DOCK3: variants seen among roughly 807,000 people sequenced by gnomAD.
DOCK3 encodes dedicator of cytokinesis protein 3.
A neutral mutation model predicts 265.6 loss-of-function variants in DOCK3; 60 were observed. The ratio of observed to expected loss-of-function variants is 0.23; its 90% CI spans 0.18 to 0.28. DOCK3 has a LOEUF of 0.28. DOCK3 is among the 10% of genes least tolerant of loss of function. DOCK3 has a pLI of 1.00. For missense variants in DOCK3, 1,981 were observed against 2,594.3 expected (o/e 0.76, Z 5.14); for synonymous variants, 881 against 938.0 (o/e 0.94, Z 1.11).
At chr3:51,059,973 C>T (rs1021003446) in intron 5 of DOCK3, among the ~76,000 whole-genome samples, 6 of 151,978 alleles carry the variant, frequency 3.9e-5, no homozygotes, top group African/African-American at 1.2e-4. Flanking sequence ...AAAACCCTTC[C>T]TTAACCACAC....
At chr3:50,961,569 A>T (rs1575617449) in intron 5 of DOCK3, among the ~76,000 whole-genome samples, 2 of 152,324 alleles carry the variant, frequency 1.3e-5, no homozygotes, top group East Asian at 3.9e-4. Context: ...TGAGGAACAT[A>T]TTGGACTTAT....
intron 46 of DOCK3, among the ~76,000 whole-genome samples, chr3:51,358,957 T>G (rs2086551473): frequency 6.6e-6 from 1 of 152,256 alleles, no homozygotes; most frequent in African/African-American, 2.4e-5. Flanking sequence ...CTAAACAGGC[T>G]GGCTCCCAGA....
Position 51,225,636 on chromosome 3 carries a change from TC to T in DOCK3, c.1253-12del. On this transcript the variant is annotated splice_polypyrimidine_tract_variant and intron_variant, in intron 14 of 52. Transcript: ENST00000266037. ...TCTGGAGTCATAAGGATGTGGCATT[TC>T]TTTCCCCGCAGGTGATATCCGCAAT... 1 of 1,606,644 alleles carries T rather than the reference TC, an allele frequency of 6.2e-7. No homozygotes were observed. The highest frequency in any genetic ancestry group is 8.5e-7 in the Non-Finnish European group (1 of 1,176,590).
At chr3:50,766,962 A>T (rs1576374874) in intron 1 of DOCK3, among the ~76,000 whole-genome samples, 1 of 151,510 alleles carries the variant, frequency 6.6e-6, no homozygotes, top group African/African-American at 2.4e-5. Flanking sequence ...CCACTTTTGG[A>T]TGGGGTTTTT....
chr3:51,368,285 C>T (rs983072901), intron 49 of DOCK3, among the ~76,000 whole-genome samples: 2 of 152,092 alleles, frequency 1.3e-5, no homozygotes, highest in African/African-American at 2.4e-5. Context: ...TGCAAGGGGT[C>T]GGGGAGTTAC....
chr3:50,874,514 T>G (rs1231175039), intron 3 of DOCK3, among the ~76,000 whole-genome samples: 1 of 141,460 alleles, frequency 7.1e-6, no homozygotes, highest in Admixed American at 7.1e-5. Flanking sequence ...TAGAAATAAA[T>G]AAAGAAAAAA....
At chr3:51,111,511 G>A (rs893812712) in intron 9 of DOCK3, among the ~76,000 whole-genome samples, 4 of 152,156 alleles carry the variant, frequency 2.6e-5, no homozygotes, top group Non-Finnish European at 5.9e-5. Context: ...ATGGTGCTGG[G>A]ATACCTGCTT....
At chr3:50,978,984 A>C (rs1487653332) in intron 5 of DOCK3, among the ~76,000 whole-genome samples, 1 of 152,114 alleles carries the variant, frequency 6.6e-6, no homozygotes, top group Non-Finnish European at 1.5e-5. Context: ...GAGTGAGGCA[A>C]TGCCTTACCC....
chr3:50,820,029 G>C (rs1290475915), intron 2 of DOCK3, among the ~76,000 whole-genome samples: 1 of 152,144 alleles, frequency 6.6e-6, no homozygotes, highest in Non-Finnish European at 1.5e-5. Flanking sequence ...ATGTCTGAAA[G>C]GGGGAGAAAG....
At chr3:50,711,264 CTT>C (rs34839295) in intron 1 of DOCK3, among the ~76,000 whole-genome samples, 55 of 139,794 alleles carry the variant, frequency 3.9e-4, no homozygotes, top group Non-Finnish European at 4.7e-4. Context: ...TTGCTTAGTC[CTT>C]TTTTTTTTTT....
chr3:51,092,231 C>A (rs4639008), intron 9 of DOCK3, among the ~76,000 whole-genome samples: 1 of 151,950 alleles, frequency 6.6e-6, no homozygotes, highest in Non-Finnish European at 1.5e-5. Context: ...GGTCCCACCC[C>A]CATGGAGCCC....
intron 4 of DOCK3, chr3:50,901,025 C>A: frequency 2.8e-6 from 1 of 351,450 alleles, no homozygotes. Flanking sequence ...TCGCTCCTCT[C>A]TTCAGAACAG....
intron 22 of DOCK3, among the ~76,000 whole-genome samples, chr3:51,250,712 C>A (rs2079171321): frequency 6.6e-6 from 1 of 152,150 alleles, no homozygotes; most frequent in Admixed American, 6.5e-5. Flanking sequence ...GGGTTTACTT[C>A]AGATCAAGGA....
At chr3:50,816,193 T>C (rs1339101115) in intron 2 of DOCK3, among the ~76,000 whole-genome samples, 1 of 152,130 alleles carries the variant, frequency 6.6e-6, no homozygotes, top group African/African-American at 2.4e-5. Flanking sequence ...AGGTATGTAC[T>C]ATTTTTCCCC....
In DOCK3 at chr3:51,338,977, C is replaced by T. The variant is rs771459439; in HGVS notation, c.3715C>T (p.Arg1239Cys). 9.9e-6 allele frequency: 16 copies of T among 1,610,984 alleles called. No individual in the cohort carries two copies. The highest frequency in any genetic ancestry group is 8.0e-5 in the African/African-American group (6 of 74,898). ...GATTAACAAGGAAGAAATGTATATC[C>T]GCTACATCCATAAGCTTTGTGACAT... Reference protein sequence around the residue: ...SEINKEEMYIRYIHKLCDMHL... With the variant: ...SEINKEEMYICYIHKLCDMHL... Residue 1239 changes from arginine (R) to cysteine (C), a missense_variant, in exon 37 of 53, where the codon CGC becomes TGC. Transcript: ENST00000266037.
chr3:51,041,189 TATATATATA>T (rs1559977750), intron 5 of DOCK3, among the ~76,000 whole-genome samples: 33 of 16,940 alleles, frequency 1.9e-3, no homozygotes, highest in Non-Finnish European at 3.3e-3. Flanking sequence ...TATATATATA[TATATATATA>T]TATATATTTT....
rs1399056611 is a variant in DOCK3, at chr3:50,886,208, A to ATATATATATG, written c.163-3817_163-3816insATATATATGT. On this transcript the variant is annotated intron_variant, in intron 3 of 52. Transcript: ENST00000266037. ...TGGAGATATATATATATATATATAT[A>ATATATATATG]TTCCAGAGTTTTTAGGTATGCACTA... Among the ~76,000 whole-genome samples, 326 of 136,898 alleles carry ATATATATATG rather than the reference A, an allele frequency of 2.4e-3. 13 individuals carry two copies. Among genetic ancestry groups the ATATATATATG allele is most frequent in the Middle Eastern group, 0.015 (4 of 274 alleles). The allele number at this position is 136,898 out of a possible 152,430, so 89.8% of individuals were successfully genotyped here.
intron 1 of DOCK3, among the ~76,000 whole-genome samples, chr3:50,693,186 C>G (rs1165430677): frequency 6.6e-6 from 1 of 152,080 alleles, no homozygotes; most frequent in Non-Finnish European, 1.5e-5. Context: ...TTCTAATTTT[C>G]CAGATTATTT....
At chr3:51,054,813 C>T (rs1278877696) in intron 5 of DOCK3, among the ~76,000 whole-genome samples, 1 of 152,086 alleles carries the variant, frequency 6.6e-6, no homozygotes, top group Non-Finnish European at 1.5e-5. Context: ...TTATTATGCC[C>T]TATTCTTCTT....
Sources: gnomAD v4.1 joint callset for allele counts (sites outside exome capture counted in the v4.1 genomes callset) on GRCh38, gnomAD v4.1.1 for gene constraint, MANE v1.5 for transcripts, NCBI Gene and HGNC (gene_info 2026-07-23, HGNC 2026-07-21) for gene names.